ROR1: variants seen among roughly 807,000 people sequenced by gnomAD.
The protein encoded by ROR1 is inactive tyrosine-protein kinase transmembrane receptor ROR1.
ROR1 carries 19 observed loss-of-function variants against 78.8 expected under a neutral mutation model. The ratio of observed to expected loss-of-function variants is 0.24; its 90% confidence interval spans 0.17 to 0.35. The LOEUF is 0.35. Ranked by LOEUF, ROR1 falls within the 10% of genes least tolerant of loss-of-function variation. ROR1 has a pLI of 1.00. For missense variants in ROR1, 917 were observed against 1,177.8 expected (o/e 0.78, Z 3.24); for synonymous variants, 386 against 433.6 (o/e 0.89, Z 1.36).
At position 64,027,184 on chromosome 1, in the gene ROR1, G is replaced by T. The variant is rs563136813; in HGVS notation, c.163+17808G>T. Among the ~76,000 whole-genome samples, 233 of 152,214 alleles carry T rather than the reference G, an allele frequency of 1.5e-3. 3 individuals carry two copies. The highest frequency in any genetic ancestry group is 5.4e-3 in the African/African-American group (223 of 41,542). ...GGAGATCATGCAGAGCTCTGATAGTGCATTTTCATTATGATGTTATTGCCC... is the reference window on the plus strand; with the variant it reads ...GGAGATCATGCAGAGCTCTGATAGTTCATTTTCATTATGATGTTATTGCCC... On this transcript the variant is annotated intron_variant, in intron 2 of 8. Transcript: ENST00000371079.
intron 1 of ROR1, among the ~76,000 whole-genome samples, chr1:63,814,695 G>A (rs561182943): frequency 5.3e-5 from 8 of 152,078 alleles, no homozygotes; most frequent in East Asian, 1.9e-4. Flanking sequence ...AACAGGGTTC[G>A]CTCCTATGAG....
At chr1:63,999,956 T>C (rs1456482889) in intron 1 of ROR1, among the ~76,000 whole-genome samples, 2 of 152,222 alleles carry the variant, frequency 1.3e-5, no homozygotes, top group African/African-American at 2.4e-5. Context: ...ATCTTCCTTG[T>C]GTCTCTTGTT....
intron 4 of ROR1, among the ~76,000 whole-genome samples, chr1:64,085,230 T>C (rs1218805988): frequency 6.6e-6 from 1 of 152,176 alleles, no homozygotes; most frequent in Admixed American, 6.6e-5. Flanking sequence ...ATAGCATCAA[T>C]TATGCATTCT....
chr1:63,875,895 C>A (rs935531598), intron 1 of ROR1, among the ~76,000 whole-genome samples: 1 of 152,124 alleles, frequency 6.6e-6, no homozygotes, highest in Non-Finnish European at 1.5e-5. Context: ...AGGTGAGTGA[C>A]AAAGGTTATA....
At chr1:63,980,554 CCTT>C (rs1646202141) in intron 1 of ROR1, among the ~76,000 whole-genome samples, 1 of 152,192 alleles carries the variant, frequency 6.6e-6, no homozygotes, top group African/African-American at 2.4e-5. Context: ...ATTAGCTAAA[CCTT>C]CTGTAAATGG....
At chr1:63,946,683 G>T (rs954517194) in intron 1 of ROR1, among the ~76,000 whole-genome samples, 13 of 152,162 alleles carry the variant, frequency 8.5e-5, no homozygotes, top group African/African-American at 2.9e-4. Flanking sequence ...GTCAGAGGTA[G>T]GATTTGAATT....
chr1:64,048,456 C>G (rs575516537), intron 2 of ROR1, among the ~76,000 whole-genome samples: 12 of 152,244 alleles, frequency 7.9e-5, no homozygotes, highest in African/African-American at 2.4e-4. Context: ...GCTGATAGCT[C>G]TGCTGAACAA....
intron 1 of ROR1, among the ~76,000 whole-genome samples, chr1:63,860,564 C>T (rs1175638358): frequency 1.2e-5 from 1 of 83,092 alleles, no homozygotes. Context: ...ACTAAAAATA[C>T]ACACACACAC....
At chr1:63,875,203 A>G (rs1330797308) in intron 1 of ROR1, among the ~76,000 whole-genome samples, 2 of 152,144 alleles carry the variant, frequency 1.3e-5, no homozygotes, top group Non-Finnish European at 2.9e-5. Flanking sequence ...TTATTTATAC[A>G]GTTATTATAA....
chr1:63,901,139 C>T (rs1037497382), intron 1 of ROR1, among the ~76,000 whole-genome samples: 3 of 152,146 alleles, frequency 2.0e-5, no homozygotes, highest in Admixed American at 6.5e-5. Context: ...AGCTAGCAAA[C>T]GTGTGTGCTG....
chr1:64,032,340 C>CAAAAAAAAAAAAAAA (rs66602515), intron 2 of ROR1, among the ~76,000 whole-genome samples: 1 of 76,326 alleles, frequency 1.3e-5, no homozygotes. Context: ...GACTCCGTCT[C>CAAAAAAAAAAAAAAA]AAAAAAAAAA....
At chr1:64,026,842 C>T (rs1646615010) in intron 2 of ROR1, among the ~76,000 whole-genome samples, 2 of 152,290 alleles carry the variant, frequency 1.3e-5, no homozygotes, top group Admixed American at 1.3e-4. Flanking sequence ...CACTGGGTCC[C>T]TCCCTCAACA....
rs112511545 is a variant in ROR1 at position 63,998,027 on chromosome 1, G to C, written c.92-11278G>C. On this transcript the variant is annotated intron_variant, in intron 1 of 8. Coordinates refer to ENST00000371079, the MANE Select transcript of ROR1 (RefSeq NM_005012.4). ...AGAGGTATGAAGTAATTTTAAGCTG[G>C]TGTGTAACAGAGCTGGGATTTGTGT... Among the ~76,000 whole-genome samples, 9 of 152,026 alleles carry C rather than the reference G, an allele frequency of 5.9e-5. No individual in the cohort carries two copies. In the East Asian group the frequency reaches 1.7e-3, roughly 29 times the overall value.
chr1:64,099,260 G>C (rs986030394), intron 4 of ROR1, among the ~76,000 whole-genome samples: 3 of 152,130 alleles, frequency 2.0e-5, no homozygotes, highest in African/African-American at 7.2e-5. Context: ...CCTCAGAGTG[G>C]TGAAGAATCT....
intron 4 of ROR1, among the ~76,000 whole-genome samples, chr1:64,075,744 A>G (rs1342626176): frequency 6.6e-6 from 1 of 152,192 alleles, no homozygotes; most frequent in Non-Finnish European, 1.5e-5. Flanking sequence ...TTCATCTTTT[A>G]AAAACATGTA....
chr1:63,891,957 G>A (rs967886113), intron 1 of ROR1, among the ~76,000 whole-genome samples: 1 of 152,102 alleles, frequency 6.6e-6, no homozygotes, highest in African/African-American at 2.4e-5. Context: ...CCCCCATAAT[G>A]AATTTCTACA....
intron 2 of ROR1, among the ~76,000 whole-genome samples, chr1:64,029,372 A>G (rs1646641072): frequency 6.6e-6 from 1 of 152,288 alleles, no homozygotes; most frequent in East Asian, 1.9e-4. Context: ...ACATTTTCTT[A>G]TTCTACCCCA....
intron 4 of ROR1, among the ~76,000 whole-genome samples, chr1:64,063,970 C>T (rs1250648895): frequency 6.6e-6 from 1 of 152,206 alleles, no homozygotes; most frequent in Non-Finnish European, 1.5e-5. Flanking sequence ...TCTCTCTCTG[C>T]CCCAGCACCA....
intron 4 of ROR1, among the ~76,000 whole-genome samples, chr1:64,107,997 G>T (rs1481653119): frequency 6.6e-6 from 1 of 151,778 alleles, no homozygotes; most frequent in African/African-American, 2.4e-5. Flanking sequence ...TTATATGGAT[G>T]TATAAATTTT....
Sources: gnomAD v4.1 joint callset for allele counts (sites outside exome capture counted in the v4.1 genomes callset) on GRCh38, gnomAD v4.1.1 for gene constraint, MANE v1.5 for transcripts, NCBI Gene and HGNC (gene_info 2026-07-23, HGNC 2026-07-21) for gene names.